The following CTNNA2 variants were observed in gnomAD, a reference collection of about 807,000 sequenced individuals.
CTNNA2 encodes catenin alpha-2.
CTNNA2 carries 42 observed loss-of-function variants against 101.0 expected under a neutral mutation model. That is an observed-to-expected ratio of 0.42 (90% CI 0.32 to 0.54). The LOEUF (loss-of-function observed/expected upper bound fraction) is 0.54, where lower values mean the gene tolerates loss of function less well. Ranked by LOEUF, CTNNA2 falls within the 20% of genes least tolerant of loss-of-function variation. The probability of loss-of-function intolerance (pLI) is 0.14; values close to 1 mark genes in which losing one functional copy is unlikely to be tolerated. For missense variants in CTNNA2, 871 were observed against 1,223.1 expected, an observed-to-expected ratio of 0.71 and a Z score of 4.29; for synonymous variants, 450 against 456.4, an observed-to-expected ratio of 0.99 and a Z score of 0.18.
chr2:79,826,148 A>G (rs896417746), intron 3 of CTNNA2, among the ~76,000 whole-genome samples: 10 of 152,230 alleles, frequency 6.6e-5, no homozygotes, highest in African/African-American at 9.6e-5. Context: ...ATTACTCTGC[A>G]TATTTGTAGT....
intron 3 of CTNNA2, among the ~76,000 whole-genome samples, chr2:79,796,797 C>G (rs997493624): frequency 1.3e-5 from 2 of 152,136 alleles, no homozygotes; most frequent in Non-Finnish European, 2.9e-5. Flanking sequence ...GCAGATTTTT[C>G]CCTGTCCATG....
chr2:80,609,708 G>A (rs1698303487), intron 17 of CTNNA2, among the ~76,000 whole-genome samples: 1 of 151,750 alleles, frequency 6.6e-6, no homozygotes, highest in Non-Finnish European at 1.5e-5. Context: ...CTGTGGAACT[G>A]AGTGCTTTTT....
chr2:79,840,447 T>C (rs1679714522), intron 3 of CTNNA2, among the ~76,000 whole-genome samples: 1 of 152,204 alleles, frequency 6.6e-6, no homozygotes. Flanking sequence ...CTTTCTTGTA[T>C]TTGTTTATTT....
intron 7 of CTNNA2, among the ~76,000 whole-genome samples, chr2:80,257,271 A>G (rs1672246265): frequency 6.6e-6 from 1 of 151,790 alleles, no homozygotes; most frequent in Admixed American, 6.6e-5. Context: ...ATAAATATAT[A>G]GTATATAATC....
At chr2:79,402,668 G>A (rs1283105597) in intron 4 of CTNNA2, among the ~76,000 whole-genome samples, 1 of 151,738 alleles carries the variant, frequency 6.6e-6, no homozygotes, top group African/African-American at 2.4e-5. Flanking sequence ...GAAACTGTGG[G>A]TAGGCAAACT....
At chr2:80,007,796 A>G (rs2103998677) in intron 7 of CTNNA2, among the ~76,000 whole-genome samples, 1 of 152,298 alleles carries the variant, frequency 6.6e-6, no homozygotes. Context: ...TAGAAGGTCC[A>G]GTGCAACAAC....
At chr2:80,581,432 T>A (rs541040625) in intron 13 of CTNNA2, among the ~76,000 whole-genome samples, 1 of 152,182 alleles carries the variant, frequency 6.6e-6, no homozygotes, top group African/African-American at 2.4e-5. Flanking sequence ...TACACAGATA[T>A]CATTTTTCTT....
chr2:79,340,833 CAAA>C (rs56276462), intron 3 of CTNNA2, among the ~76,000 whole-genome samples: 1 of 32,532 alleles, frequency 3.1e-5, no homozygotes, highest in Non-Finnish European at 5.4e-5. Flanking sequence ...GACTCAGTCT[CAAA>C]AAAAAAAAAA....
rs1037931262 is a variant in CTNNA2, at chr2:79,600,925, T to G, written c.-5-50627T>G. On this transcript the variant is annotated intron_variant, in intron 1 of 18. Coordinates refer to ENST00000402739, the MANE Select transcript of CTNNA2 (RefSeq NM_001282597.3). The stretch of plus-strand genomic sequence containing the variant: ...CCCATTCATGAGGGCTCTATCCTTA[T>G]GATCTAATTGTTTCTCAAAGGCCAC... Among the ~76,000 whole-genome samples, 6 of 152,138 alleles carry G rather than the reference T, an allele frequency of 3.9e-5. No homozygotes were observed. The East Asian group carries it at 1.2e-3, about 29-fold the overall frequency.
intron 1 of CTNNA2, among the ~76,000 whole-genome samples, chr2:79,579,282 C>T (rs536158398): frequency 2.1e-5 from 3 of 145,254 alleles, no homozygotes; most frequent in South Asian, 2.4e-4. Context: ...TTCCTTCCTT[C>T]CCCTGCTACT....
At chr2:80,425,911 C>A (rs756738221) in intron 9 of CTNNA2, among the ~76,000 whole-genome samples, 20 of 152,064 alleles carry the variant, frequency 1.3e-4, no homozygotes, top group African/African-American at 4.8e-4. Context: ...ATTGCTTTAA[C>A]AAGTGAAATT....
intron 7 of CTNNA2, among the ~76,000 whole-genome samples, chr2:80,377,910 C>G (rs1397626555): frequency 6.6e-6 from 1 of 152,196 alleles, no homozygotes; most frequent in Non-Finnish European, 1.5e-5. Flanking sequence ...TTGGCCTTAA[C>G]ATTCTTTGAC....
chr2:79,295,672 A>T (rs1675961538), intron 2 of CTNNA2, among the ~76,000 whole-genome samples: 1 of 152,032 alleles, frequency 6.6e-6, no homozygotes, highest in Non-Finnish European at 1.5e-5. Flanking sequence ...GCTGGTCAAT[A>T]GCTGGGGAAT....
chr2:79,709,398 A>C (rs1258245149), intron 2 of CTNNA2, among the ~76,000 whole-genome samples: 4 of 152,186 alleles, frequency 2.6e-5, no homozygotes, highest in Non-Finnish European at 1.5e-5. Context: ...AAGATATACC[A>C]GGGACTCAGG....
chr2:79,404,992 G>A (rs1047376655), intron 4 of CTNNA2, among the ~76,000 whole-genome samples: 3 of 151,978 alleles, frequency 2.0e-5, no homozygotes, highest in Admixed American at 1.3e-4. Flanking sequence ...CAGGTCAAAG[G>A]TTTTAAGTAT....
At chr2:80,608,601 G>A (rs905105225) in intron 17 of CTNNA2, 1 of 241,704 alleles carries the variant, frequency 4.1e-6, no homozygotes, top group Non-Finnish European at 8.1e-6. Flanking sequence ...TGTGACTATT[G>A]TAATTATTTG....
chr2:80,420,202 G>T (rs370830884), intron 9 of CTNNA2, among the ~76,000 whole-genome samples: 5 of 151,970 alleles, frequency 3.3e-5, no homozygotes, highest in Non-Finnish European at 7.4e-5. Context: ...ATTTTATGGG[G>T]TAATATTGAA....
intron 6 of CTNNA2, among the ~76,000 whole-genome samples, chr2:79,892,034 A>G (rs1684341272): frequency 1.3e-5 from 2 of 152,084 alleles, no homozygotes; most frequent in Non-Finnish European, 1.5e-5. Flanking sequence ...TTTATTAACT[A>G]TTGTTAATAT....
intron 7 of CTNNA2, among the ~76,000 whole-genome samples, chr2:79,912,423 T>A (rs1685871982): frequency 6.6e-6 from 1 of 152,238 alleles, no homozygotes; most frequent in Admixed American, 6.5e-5. Flanking sequence ...AGTCACATGT[T>A]AGATATTTCC....
Sources: gnomAD v4.1 joint callset for allele counts (sites outside exome capture counted in the v4.1 genomes callset) on GRCh38, gnomAD v4.1.1 for gene constraint, MANE v1.5 for transcripts, NCBI Gene and HGNC (gene_info 2026-07-23, HGNC 2026-07-21) for gene names.